ADGRB1: variants seen among roughly 807,000 people sequenced by gnomAD.
ADGRB1 encodes brain-specific angiogenesis inhibitor 1.
A neutral mutation model predicts 175.7 loss-of-function variants in ADGRB1; 36 were observed. That is an observed-to-expected ratio of 0.20 (90% CI 0.16 to 0.27). The LOEUF (loss-of-function observed/expected upper bound fraction) is 0.27, where lower values mean the gene tolerates loss of function less well. Ranked by LOEUF, ADGRB1 falls within the 10% of genes least tolerant of loss-of-function variation. ADGRB1 has a pLI of 1.00. For synonymous variants in ADGRB1, 1,054 were observed against 979.4 expected, an observed-to-expected ratio of 1.08 and a Z score of -1.42; for missense variants, 1,731 against 2,255.3, an observed-to-expected ratio of 0.77 and a Z score of 4.71.
intron 17 of ADGRB1, 148 bp downstream of exon 17, chr8:142,490,963 GTCAC>G: frequency 9.1e-7 from 1 of 1,095,850 alleles, no homozygotes; most frequent in Non-Finnish European, 1.3e-6. Context: ...GTCACCACCT[GTCAC>G]TCACTGTCTG....
chr8:142,533,228 G>C, intron 24 of ADGRB1, 67 bp from the exon 25 acceptor site: 6 of 1,399,914 alleles, frequency 4.3e-6, no homozygotes, highest in Non-Finnish European at 5.6e-6. Context: ...TGGAGATGCA[G>C]GGTTCAGGGC....
At chr8:142,490,353 T>C (rs1043117301) in intron 16 of ADGRB1, among the ~76,000 whole-genome samples, 2 of 152,190 alleles carry the variant, frequency 1.3e-5, no homozygotes, top group African/African-American at 4.8e-5. Context: ...GGCAAGGCTG[T>C]GTCCCAGGAA....
chr8:142,493,321 C>T lies in ADGRB1; in HGVS notation c.2675+2506C>T, dbSNP rs1842067011. ...TGCCCTGGGAGCCTTGGCTTCCTGACCCTATGGCCAGGGTCTGCCTGCTTT... is the reference window on the plus strand; with the variant it reads ...TGCCCTGGGAGCCTTGGCTTCCTGATCCTATGGCCAGGGTCTGCCTGCTTT... On this transcript the variant is annotated intron_variant, in intron 17 of 30. Coordinates refer to ENST00000517894, the MANE Select transcript of ADGRB1 (RefSeq NM_001702.3). This position sits in a 1 kb window ranked among gnomAD's most constrained non-coding sequence, Gnocchi z 5.0. 2.0e-5 allele frequency among the ~76,000 whole-genome samples: 3 copies of T among 152,056 alleles called. No homozygotes were observed. Among genetic ancestry groups the T allele is most frequent in the Admixed American group, 1.3e-4 (2 of 15,264 alleles).
chr8:142,514,237 G>A (rs904672901), intron 18 of ADGRB1, among the ~76,000 whole-genome samples: 1 of 152,020 alleles, frequency 6.6e-6, no homozygotes, highest in Non-Finnish European at 1.5e-5. Flanking sequence ...GTAGAGGCGG[G>A]TACGTGGGCA....
chr8:142,453,358 G>GC (rs1163309677), intron 1 of ADGRB1, among the ~76,000 whole-genome samples: 2 of 152,216 alleles, frequency 1.3e-5, no homozygotes, highest in Admixed American at 6.5e-5. Context: ...GCTCTGGGCT[G>GC]CCCCCGGGTC....
At position 142,453,085 on chromosome 8, in the gene ADGRB1, C is replaced by T. The variant is rs1839457921; in HGVS notation, c.-220+2981C>T. The stretch of plus-strand genomic sequence containing the variant: ...GCCGTCCGCTCCCGCCGCCGGGTCC[C>T]GTGACGCGCCTCGCGTCTCGGCCGG... On this transcript the variant is annotated intron_variant, in intron 1 of 30. Transcript: ENST00000517894. Among the ~76,000 whole-genome samples, 3 of 145,584 alleles carry T rather than the reference C, an allele frequency of 2.1e-5. No homozygotes were observed. In the South Asian group the frequency reaches 6.8e-4, roughly 33 times the overall value.
At position 142,464,817 on chromosome 8, in the gene ADGRB1, G is replaced by A; in HGVS notation, c.619G>A (p.Gly207Arg). The A allele has an allele frequency of 6.5e-7, 1 of 1,534,456 alleles. No homozygotes were observed. The highest frequency in any genetic ancestry group is 8.7e-7 in the Non-Finnish European group (1 of 1,145,402). ...LAGSRSSHPCGIMQTPCACLG... is the reference protein window; with the variant it reads ...LAGSRSSHPCRIMQTPCACLG... The stretch of plus-strand genomic sequence containing the variant: ...CGGTAGTCGCAGCTCGCACCCCTGC[G>A]GGATCATGCAGACCCCCTGCGCCTG... The change falls in exon 2 of 31, where the codon GGG becomes AGG. Residue 207 changes from glycine (G) to arginine (R), a missense_variant. Coordinates refer to ENST00000517894, the MANE Select transcript of ADGRB1 (RefSeq NM_001702.3).
intron 1 of ADGRB1, among the ~76,000 whole-genome samples, chr8:142,459,332 C>T (rs938149916): frequency 4.6e-5 from 7 of 152,206 alleles, no homozygotes; most frequent in African/African-American, 1.4e-4. Context: ...TCCTCCCAAC[C>T]GAGGGGACCT....
At chr8:142,539,645 C>A in intron 27 of ADGRB1, 1 of 594,868 alleles carries the variant, frequency 1.7e-6, no homozygotes. Context: ...GGGGCATGAT[C>A]AGAAGCTTCC....
At position 142,533,517 on chromosome 8, in the gene ADGRB1, G is replaced by A. The variant is rs373422937; in HGVS notation, c.3570+51G>A. On this transcript the variant is annotated intron_variant, in intron 25 of 30. Coordinates refer to ENST00000517894, the MANE Select transcript of ADGRB1 (RefSeq NM_001702.3). ...CGGGCTCCTGCGGGGTCCTGGGGCT[G>A]CCGAGTGGCCTCCTCCTTCCCCGAG... 3.2e-4 allele frequency: 493 copies of A among 1,522,728 alleles called. 3 individuals carry two copies. In the African/African-American group the frequency reaches 5.7e-3, roughly 18 times the overall value. 94.3% of individuals were successfully genotyped at this position (1,522,728 alleles called of 1,614,324 possible).
intron 20 of ADGRB1, among the ~76,000 whole-genome samples, chr8:142,521,469 G>A (rs1843844556): frequency 1.3e-5 from 2 of 152,216 alleles, no homozygotes; most frequent in Non-Finnish European, 2.9e-5. Context: ...TTCCTCAAGG[G>A]GCCACGCTGA....
In ADGRB1 at chr8:142,542,195, G is replaced by A. The variant is rs774828542; in HGVS notation, c.3961G>A (p.Gly1321Ser). Residue 1321 changes from glycine (G) to serine (S), a missense_variant, in exon 28 of 31, where the codon GGT becomes AGT. By Grantham distance (56) the Gly-to-Ser change is moderately conservative. Around this residue, in one of 8 missense-constraint regions of ADGRB1, gnomAD observed 394 missense variants for 410.2 expected, o/e 0.96. Coordinates refer to ENST00000517894, the MANE Select transcript of ADGRB1 (RefSeq NM_001702.3). The surrounding 1 kb of genome is among the most constrained non-coding windows in gnomAD (Gnocchi z 6.3). ...CAAGGCGCCCAAGTCCTCCTTCGTC[G>A]GTGACGGGGACATCTTCAAGAAGCT... ...RDKAPKSSFV[G>S]DGDIFKKLDS... The A allele has an allele frequency of 4.3e-6, 7 of 1,613,570 alleles. No individual in the cohort carries two copies. The South Asian group carries it at 4.4e-5, about 10-fold the overall frequency.
rs1025177675 is a variant in ADGRB1 at position 142,511,687 on chromosome 8, C to A, written c.2817+614C>A. Among the ~76,000 whole-genome samples, 1 of 152,138 alleles carries A rather than the reference C, an allele frequency of 6.6e-6. No homozygotes were observed. The highest frequency in any genetic ancestry group is 1.9e-4 in the East Asian group (1 of 5,174). ...TATGGAGACGGCATCTGGGGTCAGC[C>A]GCTGGCAGGGGCCCTGGGTGCTGGG... On this transcript the variant is annotated intron_variant, in intron 18 of 30. Transcript: ENST00000517894. This position sits in a 1 kb window ranked among gnomAD's most constrained non-coding sequence, Gnocchi z 4.5.
At chr8:142,465,038 GGGC>G (rs1840187436) in intron 2 of ADGRB1, 56 bp downstream of exon 2, 1 of 1,328,122 alleles carries the variant, frequency 7.5e-7, no homozygotes, top group Non-Finnish European at 9.6e-7. Context: ...CAGGGGAGGC[GGGC>G]AGACAGGGGA....
chr8:142,526,235 G>T (rs1243548933), intron 23 of ADGRB1, among the ~76,000 whole-genome samples: 1 of 152,200 alleles, frequency 6.6e-6, no homozygotes, highest in Non-Finnish European at 1.5e-5. Context: ...GGTTTCAGCT[G>T]CAGGCTGGCA....
chr8:142,489,275 G>A (rs1587326487), intron 15 of ADGRB1, 61 bp from the exon 16 acceptor site: 1 of 1,592,640 alleles, frequency 6.3e-7, no homozygotes, highest in Admixed American at 1.7e-5. Context: ...ACCTGGGGAA[G>A]GGCCAGGAGG....
At chr8:142,494,165 A>G (rs1252906261) in intron 17 of ADGRB1, among the ~76,000 whole-genome samples, 1 of 152,162 alleles carries the variant, frequency 6.6e-6, no homozygotes, top group African/African-American at 2.4e-5. Context: ...ATCATTATTC[A>G]GAACTGAACT....
intron 2 of ADGRB1, among the ~76,000 whole-genome samples, chr8:142,471,913 G>A (rs954067224): frequency 3.3e-5 from 5 of 152,228 alleles, no homozygotes; most frequent in Non-Finnish European, 7.3e-5. Context: ...AGGTCTCAGA[G>A]GAGTCTGGGT....
intron 17 of ADGRB1, among the ~76,000 whole-genome samples, chr8:142,507,747 G>A (rs192424724): frequency 6.6e-6 from 1 of 152,370 alleles, no homozygotes; most frequent in East Asian, 1.9e-4. Context: ...GTTGAGCAGA[G>A]GGCTGAGGTT....
Sources: gnomAD v4.1 joint callset for allele counts (sites outside exome capture counted in the v4.1 genomes callset) on GRCh38, gnomAD v4.1.1 for gene constraint, gnomAD v4.1.1 regional missense constraint, Gnocchi (gnomAD v3.1) non-coding constraint, MANE v1.5 for transcripts, NCBI Gene and HGNC (gene_info 2026-07-23, HGNC 2026-07-21) for gene names.